The following FRMPD2 variants were observed in gnomAD, a reference collection of about 807,000 sequenced individuals.
The protein encoded by FRMPD2 is FERM and PDZ domain-containing protein 2.
Under a neutral mutation model 140.1 loss-of-function variants are expected in FRMPD2, and 96 were observed. That is an observed-to-expected ratio of 0.69 (90% CI 0.58 to 0.81). The LOEUF is 0.81. Among genes scored for constraint, FRMPD2 ranks in the 40% least tolerant of loss-of-function variants. The probability of loss-of-function intolerance (pLI) is 0.00; values close to 1 mark genes in which losing one functional copy is unlikely to be tolerated. For synonymous variants in FRMPD2, 449 were observed against 547.6 expected (o/e 0.82, Z 2.52); for missense variants, 1,240 against 1,447.4 (o/e 0.86, Z 2.32).
intron 4 of FRMPD2, 108 bp from the exon 5 acceptor site, chr10:48,242,460 A>G: frequency 2.2e-6 from 2 of 913,110 alleles, no homozygotes; most frequent in Admixed American, 2.6e-5. Context: ...TGTTCCCACA[A>G]GCACCAGAGC....
chr10:48,182,620 G>A (rs778847484), intron 20 of FRMPD2, among the ~76,000 whole-genome samples: 15 of 152,226 alleles, frequency 9.9e-5, no homozygotes, highest in Non-Finnish European at 1.9e-4. Flanking sequence ...ACCCCACCAT[G>A]ATGAAGGCAG....
chr10:48,200,293 G>T (rs1477830875), intron 15 of FRMPD2, among the ~76,000 whole-genome samples: 3 of 152,124 alleles, frequency 2.0e-5, no homozygotes, highest in Non-Finnish European at 4.4e-5. Flanking sequence ...GGGACTTGCA[G>T]AGCTCACCTG....
Position 48,242,324 on chromosome 10 carries a change from G to C in FRMPD2, c.404C>G (p.Ser135Cys), listed in dbSNP as rs1840137957. The C allele has an allele frequency of 1.9e-6, 3 of 1,613,892 alleles. No individual in the cohort carries two copies. In the East Asian group the frequency reaches 6.7e-5, roughly 36 times the overall value. ...QPLQLCEPLHSILLTMCEDQP... is the reference protein window; with the variant it reads ...QPLQLCEPLHCILLTMCEDQP... ...GTCTTCACACATGGTCAGCAGGATG[G>C]AGTGCAGGGGCTCGCAGAGCTGCAG... The change falls in exon 5 of 29, where the codon TCC becomes TGC. Residue 135 changes from serine (S) to cysteine (C), a missense_variant. Around this residue, in one of 6 missense-constraint regions of FRMPD2, gnomAD observed 1,161 missense variants for 1,055.9 expected, o/e 1.10. Coordinates refer to ENST00000374201, the MANE Select transcript of FRMPD2 (RefSeq NM_001018071.4).
At chr10:48,268,147 G>T (rs1445581886) in intron 1 of FRMPD2, among the ~76,000 whole-genome samples, 1 of 152,096 alleles carries the variant, frequency 6.6e-6, no homozygotes, top group Non-Finnish European at 1.5e-5. Flanking sequence ...AACATCACTG[G>T]CCATAAGGGG....
Position 48,242,278 on chromosome 10 carries a change from C to T in FRMPD2, c.450G>A (p.Thr150=), listed in dbSNP as rs749414233. The T allele has an allele frequency of 4.4e-5, 71 of 1,614,014 alleles. No individual in the cohort carries two copies. The East Asian group carries it at 5.8e-4, about 13-fold the overall frequency. ...MCEDQPHRRC[T]LQSVLEACRV... is the part of the protein sequence containing the mutation. The stretch of plus-strand genomic sequence containing the variant: ...GACAAGCTTCCAGAACCGACTGCAA[C>T]GTGCACCGCCTGTGAGGCTGGTCTT... Residue 150 remains threonine (T), a synonymous_variant, in exon 5 of 29, where the codon ACG becomes ACA. Coordinates refer to ENST00000374201, the MANE Select transcript of FRMPD2 (RefSeq NM_001018071.4).
chr10:48,208,743 C>T (rs144237753), intron 13 of FRMPD2, among the ~76,000 whole-genome samples: 59 of 152,262 alleles, frequency 3.9e-4, no homozygotes, highest in African/African-American at 1.3e-3. Flanking sequence ...CTTTGCATTG[C>T]TATTGCTGGG....
intron 1 of FRMPD2, among the ~76,000 whole-genome samples, chr10:48,274,046 T>C (rs1240578508): frequency 7.2e-5 from 11 of 152,222 alleles, no homozygotes. Flanking sequence ...ACTGATACTC[T>C]TTAAGCAATA....
At chr10:48,252,809 TA>T (rs566373716) in intron 1 of FRMPD2, among the ~76,000 whole-genome samples, 226 of 152,358 alleles carry the variant, frequency 1.5e-3, no homozygotes, top group Non-Finnish European at 2.6e-3. Flanking sequence ...GGTAATCAAG[TA>T]AAAAGTGATG....
At chr10:48,216,391 C>T (rs1001808456) in intron 12 of FRMPD2, among the ~76,000 whole-genome samples, 1 of 152,124 alleles carries the variant, frequency 6.6e-6, no homozygotes, top group Non-Finnish European at 1.5e-5. Flanking sequence ...ATTATAGGCT[C>T]ATAGAGACAG....
chr10:48,174,394 G>T (rs541700007), intron 24 of FRMPD2, among the ~76,000 whole-genome samples: 1 of 152,214 alleles, frequency 6.6e-6, no homozygotes, highest in Non-Finnish European at 1.5e-5. Context: ...GTGAGGAAAA[G>T]AATCCCAGGA....
At chr10:48,212,740 C>T (rs1839358966) in intron 12 of FRMPD2, among the ~76,000 whole-genome samples, 1 of 152,162 alleles carries the variant, frequency 6.6e-6, no homozygotes, top group African/African-American at 2.4e-5. Flanking sequence ...CCACCTTCAT[C>T]AAGTCTGTTC....
intron 1 of FRMPD2, among the ~76,000 whole-genome samples, chr10:48,255,866 C>T (rs1007472949): frequency 1.3e-5 from 2 of 152,164 alleles, no homozygotes; most frequent in Admixed American, 6.5e-5. Flanking sequence ...GAAGCCCGCT[C>T]ATGGTGAGGG....
intron 12 of FRMPD2, among the ~76,000 whole-genome samples, chr10:48,215,791 G>A (rs1444819486): frequency 6.6e-6 from 1 of 152,110 alleles, no homozygotes; most frequent in African/African-American, 2.4e-5. Context: ...GAAACTGGAC[G>A]GGCACAGGAA....
chr10:48,237,828 C>T (rs1840004999), intron 8 of FRMPD2, among the ~76,000 whole-genome samples, 163 bp downstream of exon 8: 3 of 152,136 alleles, frequency 2.0e-5, no homozygotes, highest in African/African-American at 7.2e-5. Context: ...TGCCTATGCC[C>T]TAAGTTGCAA....
intron 16 of FRMPD2, among the ~76,000 whole-genome samples, chr10:48,189,384 A>T (rs1020491779): frequency 1.3e-5 from 2 of 152,206 alleles, no homozygotes; most frequent in Non-Finnish European, 2.9e-5. Flanking sequence ...CAGGAGTGGG[A>T]GGGCAGGCAG....
At chr10:48,273,292 C>T (rs896860395) in intron 1 of FRMPD2, among the ~76,000 whole-genome samples, 4 of 152,126 alleles carry the variant, frequency 2.6e-5, no homozygotes, top group African/African-American at 9.7e-5. Flanking sequence ...ATATTAAATG[C>T]AGACACGACA....
intron 24 of FRMPD2, among the ~76,000 whole-genome samples, chr10:48,173,535 T>A (rs1838322932): frequency 6.6e-6 from 1 of 151,772 alleles, no homozygotes; most frequent in Admixed American, 6.6e-5. Context: ...TCACTGCCAG[T>A]GACCCGCTGG....
rs74676130 is a variant in FRMPD2, at chr10:48,249,866, G to T, written c.152-688C>A. 2.0e-5 allele frequency among the ~76,000 whole-genome samples: 3 copies of T among 151,688 alleles called. No homozygotes were observed. The East Asian group carries it at 5.8e-4, about 29-fold the overall frequency. On this transcript the variant is annotated intron_variant, in intron 2 of 28. Coordinates refer to ENST00000374201, the MANE Select transcript of FRMPD2 (RefSeq NM_001018071.4). ...AGAGGGCTCTGAAGAGACACTATAG[G>T]AGGCCTTATTACTGAGAGCACAGTG... is the stretch of plus-strand genomic sequence containing the variant.
intron 5 of FRMPD2, among the ~76,000 whole-genome samples, chr10:48,241,025 G>A (rs901892542): frequency 6.6e-6 from 1 of 152,218 alleles, no homozygotes; most frequent in Non-Finnish European, 1.5e-5. Context: ...AAATGTTGCA[G>A]GTCAGTACAC....
Sources: gnomAD v4.1 joint callset for allele counts (sites outside exome capture counted in the v4.1 genomes callset) on GRCh38, gnomAD v4.1.1 for gene constraint, gnomAD v4.1.1 regional missense constraint, MANE v1.5 for transcripts, NCBI Gene and HGNC (gene_info 2026-07-23, HGNC 2026-07-21) for gene names.